Variants in DMD observed in about 807,000 individuals in gnomAD.
DMD encodes the protein dystrophin.
DMD carries 63 observed loss-of-function variants against 330.1 expected under a neutral mutation model. The observed-to-expected ratio is 0.19, with a 90% CI of 0.16 to 0.24. The LOEUF (loss-of-function observed/expected upper bound fraction) is 0.24. DMD is among the 10% of genes least tolerant of loss of function. The pLI is 1.00. For synonymous variants in DMD, 1,223 were observed against 959.8 expected (o/e 1.27, Z -5.07); for missense variants, 3,344 against 2,684.1 (o/e 1.25, Z -5.43).
In DMD at chrX:31,465,907, G is replaced by A. The variant is rs183264173; in HGVS notation, c.8937+12199C>T. ...TTTAATGATCGCCATTGTAACTGGTGTGTTTTGATTTGCATTTCTCTAATC... is the reference window on the plus strand; with the variant it reads ...TTTAATGATCGCCATTGTAACTGGTATGTTTTGATTTGCATTTCTCTAATC... On this transcript the variant is annotated intron_variant, in intron 59 of 78. Coordinates refer to ENST00000357033, the MANE Select transcript of DMD (RefSeq NM_004006.3). 4.3e-4 allele frequency among the ~76,000 whole-genome samples: 48 copies of A among 110,885 alleles called. 1 individual carries two copies. Among genetic ancestry groups the A allele is most frequent in the African/African-American group, 1.5e-3 (46 of 30,764 alleles).
At chrX:32,083,869 T>A (rs1427407877) in intron 44 of DMD, among the ~76,000 whole-genome samples, 2 of 112,692 alleles carry the variant, frequency 1.8e-5, no homozygotes, top group African/African-American at 6.4e-5. Context: ...CATTTGTAGG[T>A]TTAAATGTTC....
chrX:33,016,769 C>T lies in DMD; in HGVS notation c.93+3370G>A, dbSNP rs147097995. ...TTGAGCTGGCAGTAAATATTTTTTC[C>T]CATAAAATTTTTTCTCAAACACAAA... On this transcript the variant is annotated intron_variant, in intron 2 of 78. Coordinates refer to ENST00000357033, the MANE Select transcript of DMD (RefSeq NM_004006.3). Among the ~76,000 whole-genome samples, 891 of 111,228 alleles carry T rather than the reference C, an allele frequency of 8.0e-3. 10 individuals are homozygous for T. The highest frequency in any genetic ancestry group is 0.026 in the African/African-American group (802 of 30,679).
At chrX:32,685,255 C>G (rs777687714) in intron 9 of DMD, among the ~76,000 whole-genome samples, 1 of 111,124 alleles carries the variant, frequency 9.0e-6, no homozygotes, top group Admixed American at 9.7e-5. Flanking sequence ...GAAGAATCCA[C>G]GGGCTAATCT....
intron 54 of DMD, among the ~76,000 whole-genome samples, chrX:31,643,563 G>T (rs1279371752): frequency 8.9e-6 from 1 of 111,792 alleles, no homozygotes. Flanking sequence ...TTTGATGTTA[G>T]AACTAATAAC....
chrX:33,139,945 A>G lies in DMD; in HGVS notation c.31+71337T>C, dbSNP rs751299463. Among the ~76,000 whole-genome samples, 11 of 107,484 alleles carry G rather than the reference A, an allele frequency of 1.0e-4. No individual in the cohort carries two copies. The South Asian group carries it at 4.8e-3, about 47-fold the overall frequency. The allele number at this position is 107,484 out of a possible 115,157, so 93.3% of individuals were successfully genotyped here. The stretch of plus-strand genomic sequence containing the variant: ...AACATTAGGGAAATACATATTTTGT[A>G]TAAATAAATCCTTTGGACTCCCAGC... On this transcript the variant is annotated intron_variant, in intron 1 of 78. Coordinates refer to ENST00000357033, the MANE Select transcript of DMD (RefSeq NM_004006.3).
At chrX:32,329,093 T>C (rs1193201934) in intron 41 of DMD, among the ~76,000 whole-genome samples, 5 of 112,008 alleles carry the variant, frequency 4.5e-5, no homozygotes, top group Non-Finnish European at 9.4e-5. Context: ...ACTCTATGTC[T>C]TGGGGAAACA....
chrX:32,275,872 G>A (rs955461128), intron 43 of DMD, among the ~76,000 whole-genome samples: 2 of 111,289 alleles, frequency 1.8e-5, no homozygotes, highest in Non-Finnish European at 3.8e-5. Context: ...TAACAACTAT[G>A]AGCAGACAGA....
chrX:32,071,501 C>A (rs1425571481), intron 44 of DMD, among the ~76,000 whole-genome samples: 5 of 76,952 alleles, frequency 6.5e-5, no homozygotes, highest in Non-Finnish European at 1.2e-4. Flanking sequence ...CACACCGGGG[C>A]CTGTTGTGGG....
chrX:33,080,974 T>TCACACACACA (rs763162216), intron 1 of DMD, among the ~76,000 whole-genome samples: 1,628 of 92,676 alleles, frequency 0.018, 19 homozygotes, highest in African/African-American at 0.039. Context: ...TTTATAAACA[T>TCACACACACA]CACACACACA....
chrX:32,638,048 T>C (rs752454312), intron 11 of DMD, among the ~76,000 whole-genome samples: 22 of 110,717 alleles, frequency 2.0e-4, no homozygotes, highest in Non-Finnish European at 7.6e-5. Flanking sequence ...AGCTGCATTA[T>C]CACATTTTTA....
At chrX:31,380,150 T>C (rs1413083445) in intron 60 of DMD, among the ~76,000 whole-genome samples, 1 of 110,938 alleles carries the variant, frequency 9.0e-6, no homozygotes, top group African/African-American at 3.3e-5. Context: ...GTTGTAGGTA[T>C]TGACGGCCAG....
At chrX:32,475,683 G>A (rs760453354) in intron 21 of DMD, among the ~76,000 whole-genome samples, 4 of 110,876 alleles carry the variant, frequency 3.6e-5, no homozygotes, top group Admixed American at 1.9e-4. Context: ...CTGCTTGGTC[G>A]TTGTTGGTAT....
chrX:33,061,506 ATG>A (rs2094581222), intron 1 of DMD, among the ~76,000 whole-genome samples: 1 of 111,707 alleles, frequency 9.0e-6, no homozygotes, highest in Non-Finnish European at 1.9e-5. Context: ...ATCAATATAT[ATG>A]GAGTACTTGA....
At position 32,675,484 on chromosome X, in the gene DMD, CCTT is replaced by C. The variant is rs1464613685; in HGVS notation, c.960+22383_960+22385del. Among the ~76,000 whole-genome samples, 3 of 111,658 alleles carry C rather than the reference CCTT, an allele frequency of 2.7e-5. No individual in the cohort carries two copies. The Admixed American group carries it at 2.9e-4, about 11-fold the overall frequency. On this transcript the variant is annotated intron_variant, in intron 9 of 78. Coordinates refer to ENST00000357033, the MANE Select transcript of DMD (RefSeq NM_004006.3). Reference sequence around the variant, plus strand: ...TTATTTTAAACCTGCCTGTATTTTACCTTCTTATTTTCTGGTTGCCTGATTTAT... The same window carrying C: ...TTATTTTAAACCTGCCTGTATTTTACCTTATTTTCTGGTTGCCTGATTTAT...
intron 43 of DMD, among the ~76,000 whole-genome samples, chrX:32,230,672 T>C (rs972189717): frequency 8.9e-6 from 1 of 112,029 alleles, no homozygotes; most frequent in African/African-American, 3.2e-5. Context: ...CAAACGTGAG[T>C]TTGAAATTCT....
intron 44 of DMD, among the ~76,000 whole-genome samples, chrX:32,126,965 T>A (rs766871682): frequency 8.9e-6 from 1 of 112,387 alleles, no homozygotes; most frequent in Non-Finnish European, 1.9e-5. Context: ...TATGCTTGTA[T>A]AAGCTTAGTT....
At chrX:32,173,373 T>G (rs2096895146) in intron 44 of DMD, among the ~76,000 whole-genome samples, 1 of 110,020 alleles carries the variant, frequency 9.1e-6, no homozygotes, top group Non-Finnish European at 1.9e-5. Flanking sequence ...AAATTATTAT[T>G]ATGATTATGA....
intron 1 of DMD, among the ~76,000 whole-genome samples, chrX:33,065,192 A>T (rs2094635655): frequency 8.9e-6 from 1 of 112,371 alleles, no homozygotes; most frequent in African/African-American, 3.2e-5. Flanking sequence ...AAATGTAATT[A>T]TAATTTTGTG....
chrX:33,082,517 GA>G (rs199622170), intron 1 of DMD, among the ~76,000 whole-genome samples: 3,401 of 112,230 alleles, frequency 0.03, 121 homozygotes, highest in African/African-American at 0.11. Context: ...GCCAACAATT[GA>G]ACCCAGGCCA....
Sources: gnomAD v4.1 joint callset for allele counts (sites outside exome capture counted in the v4.1 genomes callset) on GRCh38, gnomAD v4.1.1 for gene constraint, MANE v1.5 for transcripts, NCBI Gene and HGNC (gene_info 2026-07-23, HGNC 2026-07-21) for gene names.